The following USP31 variants were observed in gnomAD, a reference collection of about 807,000 sequenced individuals.
USP31 encodes the protein ubiquitin specific peptidase 31, also known as ubiquitin carboxyl-terminal hydrolase 31.
A neutral mutation model predicts 119.4 loss-of-function variants in USP31; 44 were observed. The observed-to-expected ratio is 0.37, with a 90% CI of 0.29 to 0.47. The LOEUF (loss-of-function observed/expected upper bound fraction) is 0.47, where lower values mean the gene tolerates loss of function less well. USP31 is among the 20% of genes least tolerant of loss of function. The pLI, the probability that USP31 is intolerant of heterozygous loss-of-function variation, is 0.99. For synonymous variants in USP31, 749 were observed against 705.6 expected (o/e 1.06, Z -0.97); for missense variants, 1,643 against 1,730.2 (o/e 0.95, Z 0.89).
intron 11 of USP31, among the ~76,000 whole-genome samples, chr16:23,082,827 C>CTTTTTTT (rs1200485986): frequency 1.7e-5 from 2 of 120,336 alleles, no homozygotes; most frequent in African/African-American, 5.6e-5. Flanking sequence ...CTTTCTTTCT[C>CTTTTTTT]TCTCTTTTTT....
Position 23,148,629 on chromosome 16 carries a change from C to A in USP31, c.633+9G>T. 1 of 1,461,698 alleles carries A rather than the reference C, an allele frequency of 6.8e-7. No homozygotes were observed. The highest frequency in any genetic ancestry group is 1.4e-5 in the South Asian group (1 of 73,820). 90.5% of individuals were successfully genotyped at this position (1,461,698 alleles called of 1,614,324 possible). On this transcript the variant is annotated intron_variant, in intron 1 of 15. Transcript: ENST00000219689. ...GGTGCAGTGGGGGCGCGGCGGCGCG[C>A]GGGCTCACCTTGAAGTCGCGGCTGT...
chr16:23,147,492 T>TA (rs1466812002), intron 1 of USP31, among the ~76,000 whole-genome samples: 1 of 152,206 alleles, frequency 6.6e-6, no homozygotes, highest in Non-Finnish European at 1.5e-5. Flanking sequence ...CCCTTCTGCT[T>TA]AGAGTAACCG....
chr16:23,081,474 C>T (rs191450629), intron 12 of USP31, among the ~76,000 whole-genome samples: 13 of 152,300 alleles, frequency 8.5e-5, no homozygotes, highest in Middle Eastern at 3.4e-3. Context: ...AACATCTCTC[C>T]GTCTCTACTG....
intron 1 of USP31, among the ~76,000 whole-genome samples, chr16:23,138,625 C>G (rs1193787916): frequency 6.6e-6 from 1 of 152,174 alleles, no homozygotes; most frequent in Non-Finnish European, 1.5e-5. Context: ...CTCAGTGGGC[C>G]TCCTCCCATT....
intron 1 of USP31, among the ~76,000 whole-genome samples, chr16:23,140,347 A>AG (rs1271184692): frequency 6.6e-6 from 1 of 152,140 alleles, no homozygotes. Context: ...GACTTGGAGT[A>AG]GGGGGGAGTA....
Position 23,114,001 on chromosome 16 carries a change from C to T in USP31, c.634-5818G>A, listed in dbSNP as rs750344696. On this transcript the variant is annotated intron_variant, in intron 1 of 15. Coordinates refer to ENST00000219689, the MANE Select transcript of USP31 (RefSeq NM_020718.4). ...GCGCCTGTAATCCCAGCTATTTAGG[C>T]GACTGAGGCAGGAGAGTTGCTTGAA... Among the ~76,000 whole-genome samples the T allele has an allele frequency of 9.0e-4, 137 of 151,626 alleles. 1 individual carries two copies. The highest frequency in any genetic ancestry group is 1.6e-3 in the Non-Finnish European group (112 of 67,906).
chr16:23,099,081 AG>A (rs1305110033), intron 6 of USP31, among the ~76,000 whole-genome samples: 1 of 152,196 alleles, frequency 6.6e-6, no homozygotes, highest in African/African-American at 2.4e-5. Context: ...CATCTGACAA[AG>A]GGCTAATATC....
chr16:23,082,853 C>CA (rs1449567264), intron 11 of USP31, among the ~76,000 whole-genome samples: 2 of 68,652 alleles, frequency 2.9e-5, no homozygotes, highest in Admixed American at 3.7e-4. Context: ...TTTTTTGAAA[C>CA]AGAGTGTCAC....
rs956599780 is a variant in USP31 at position 23,062,495 on chromosome 16, T to G, written c.*5551A>C. 6.6e-6 allele frequency: 1 copy of G among 152,536 alleles called. No individual in the cohort carries two copies. Among genetic ancestry groups the G allele is most frequent in the Non-Finnish European group, 1.5e-5 (1 of 68,004 alleles). The allele number at this position is 152,536 out of a possible 1,614,324, so 9.4% of individuals were successfully genotyped here. Reference sequence around the variant, plus strand: ...CTAGAGAATGAGCAAAAGTAGGAAATTCAGCGGCAGCCTGGGGTTTGCTAC... The same window carrying G: ...CTAGAGAATGAGCAAAAGTAGGAAAGTCAGCGGCAGCCTGGGGTTTGCTAC... On this transcript the variant is annotated 3_prime_UTR_variant, in exon 16 of 16. Transcript: ENST00000219689.
At chr16:23,077,524 G>A (rs905373634) in intron 13 of USP31, among the ~76,000 whole-genome samples, 2 of 152,154 alleles carry the variant, frequency 1.3e-5, no homozygotes, top group Non-Finnish European at 2.9e-5. Flanking sequence ...CTAAATACTA[G>A]AGAAAAGAGT....
chr16:23,117,748 T>G (rs1369679282), intron 1 of USP31, among the ~76,000 whole-genome samples: 1 of 138,424 alleles, frequency 7.2e-6, no homozygotes, highest in Non-Finnish European at 1.6e-5. Context: ...TTTTTTTCCT[T>G]TTCTTTTTTT....
Position 23,065,532 on chromosome 16 carries a change from T to G in USP31, c.*2514A>C, listed in dbSNP as rs1900031184. On this transcript the variant is annotated 3_prime_UTR_variant, in exon 16 of 16. Coordinates refer to ENST00000219689, the MANE Select transcript of USP31 (RefSeq NM_020718.4). Reference sequence around the variant, plus strand: ...AATGAAATTTTCACTGTTTACCAACTATGGAAATAAAATAGCTTCATGATG... The same window carrying G: ...AATGAAATTTTCACTGTTTACCAACGATGGAAATAAAATAGCTTCATGATG... The G allele has an allele frequency of 6.6e-6, 1 of 152,610 alleles. No homozygotes were observed. Among genetic ancestry groups the G allele is most frequent in the Non-Finnish European group, 1.5e-5 (1 of 68,036 alleles). 9.5% of individuals were successfully genotyped at this position (152,610 alleles called of 1,614,324 possible). A position where few individuals can be genotyped will look rare whatever the true frequency, so the allele number is the denominator to read the frequency against.
At position 23,069,287 on chromosome 16, in the gene USP31, C is replaced by A. The variant is rs778595888; in HGVS notation, c.2818G>T (p.Ala940Ser). ...SRREHKAVGR[A>S]PLAVMEGVFK... The stretch of plus-strand genomic sequence containing the variant: ...ACGCCTTCCATGACAGCCAGAGGGG[C>A]CCGGCCCACAGCCTTGTGCTCACGG... The change falls in exon 16 of 16, where the codon GCC becomes TCC. Residue 940 changes from alanine to serine, a missense_variant. Physicochemically the swap from Ala to Ser is moderately conservative, Grantham distance 99. Transcript: ENST00000219689. 1.2e-6 allele frequency: 2 copies of A among 1,611,586 alleles called. No individual in the cohort carries two copies. Among genetic ancestry groups the A allele is most frequent in the Admixed American group, 1.7e-5 (1 of 59,896 alleles).
At chr16:23,139,763 T>C (rs553135170) in intron 1 of USP31, among the ~76,000 whole-genome samples, 4 of 152,348 alleles carry the variant, frequency 2.6e-5, no homozygotes, top group African/African-American at 9.6e-5. Flanking sequence ...TCATATCCTA[T>C]GGCTCCCAAC....
At position 23,102,376 on chromosome 16, in the gene USP31, T is replaced by C; in HGVS notation, c.1177A>G (p.Ile393Val). Residue 393 changes from isoleucine to valine, a missense_variant, in exon 6 of 16, where the codon ATT (isoleucine) becomes GTT (valine). Around this residue, in one of 5 missense-constraint regions of USP31, gnomAD observed 219 missense variants for 226.4 expected, o/e 0.97. Coordinates refer to ENST00000219689, the MANE Select transcript of USP31 (RefSeq NM_020718.4). The part of the protein sequence containing the change: ...DLETVHESDC[I>V]FAFETPEIFR... The stretch of plus-strand genomic sequence containing the variant: ...ATTTCGGGAGTCTCAAAGGCAAAAA[T>C]GCAGTCGCTTTCATGGACTGTTTCC... The C allele has an allele frequency of 6.2e-7, 1 of 1,613,868 alleles. No individual in the cohort carries two copies. Among genetic ancestry groups the C allele is most frequent in the Admixed American group, 1.7e-5 (1 of 60,010 alleles).
intron 1 of USP31, among the ~76,000 whole-genome samples, chr16:23,116,329 T>A (rs1333708101): frequency 1.3e-5 from 2 of 152,242 alleles, no homozygotes; most frequent in Non-Finnish European, 2.9e-5. Flanking sequence ...ATCTGGTTTA[T>A]GGGCTGCTGC....
chr16:23,071,868 G>T (rs1328590747), intron 15 of USP31, among the ~76,000 whole-genome samples, 177 bp downstream of exon 15: 11 of 152,188 alleles, frequency 7.2e-5, no homozygotes, highest in Non-Finnish European at 1.0e-4. Flanking sequence ...AAATGACTCT[G>T]TTAATACAAA....
chr16:23,069,170 G>A lies in USP31; in HGVS notation c.2935C>T (p.Leu979Phe). 1 of 1,614,190 alleles carries A rather than the reference G, an allele frequency of 6.2e-7. No individual in the cohort carries two copies. Among genetic ancestry groups the A allele is most frequent in the Non-Finnish European group, 8.5e-7 (1 of 1,180,046 alleles). ...TTATTGTTATCAAATGGACCAGAGA[G>A]CGGGGGCAGGCGGTCCCCTTGTGCT... ...HSAQGDRLPP[L>F]SGPFDNNNQI... Residue 979 changes from leucine (L) to phenylalanine (F), a missense_variant, in exon 16 of 16, where the codon CTC (leucine) becomes TTC (phenylalanine). Physicochemically the swap from Leu to Phe is conservative, Grantham distance 22. Around this residue, in one of 5 missense-constraint regions of USP31, gnomAD observed 699 missense variants for 650.9 expected, o/e 1.07. Transcript: ENST00000219689.
Position 23,090,783 on chromosome 16 carries a change from A to G in USP31, c.1256T>C (p.Leu419Pro). The G allele has an allele frequency of 6.3e-7, 1 of 1,586,986 alleles. No homozygotes were observed. Among genetic ancestry groups the G allele is most frequent in the Non-Finnish European group, 8.6e-7 (1 of 1,160,062 alleles). Reference sequence around the variant, plus strand: ...ATCCAAGCCAAATTTCAAGTGGTTTAGGTTGTTGTTTAAATGAATTCCTGA... The same window carrying G: ...ATCCAAGCCAAATTTCAAGTGGTTTGGGTTGTTGTTTAAATGAATTCCTGA... ...SQRGIHLNNN[L>P]NHLKFGLDYH... is the part of the protein sequence containing the mutation. Residue 419 changes from leucine (L) to proline (P), a missense_variant, in exon 7 of 16, where the codon CTA (leucine) becomes CCA (proline). Leu to Pro is a moderately conservative substitution (Grantham distance 98). Coordinates refer to ENST00000219689, the MANE Select transcript of USP31 (RefSeq NM_020718.4).
Sources: allele counts gnomAD v4.1 joint callset (sites outside exome capture counted in the v4.1 genomes callset), GRCh38; gene constraint gnomAD v4.1.1; regional missense constraint gnomAD v4.1.1; transcripts MANE v1.5; gene names NCBI Gene and HGNC (gene_info 2026-07-23, HGNC 2026-07-21).